RBM34: variants seen among roughly 807,000 people sequenced by gnomAD.
RBM34 encodes RNA-binding protein 34.
RBM34 carries 39 observed loss-of-function variants against 44.6 expected under a neutral mutation model. That is an observed-to-expected ratio of 0.87 (90% CI 0.68 to 1.14). RBM34 has a LOEUF of 1.14. Among genes scored for constraint, RBM34 ranks in the 50% most tolerant of loss-of-function variants. The pLI is 0.00. For missense variants in RBM34, 572 were observed against 517.9 expected, an observed-to-expected ratio of 1.10 and a Z score of -1.01; for synonymous variants, 194 against 184.0, an observed-to-expected ratio of 1.05 and a Z score of -0.44.
intron 5 of RBM34, 77 bp downstream of exon 5, chr1:235,152,629 C>G: frequency 6.4e-7 from 1 of 1,564,006 alleles, no homozygotes; most frequent in Non-Finnish European, 8.6e-7. Flanking sequence ...CACCATCTCA[C>G]TAACAGCAAT....
rs774851152 is a variant in RBM34 at position 235,160,626 on chromosome 1, G to A, written c.250C>T (p.Arg84Trp). 3 of 1,610,816 alleles carry A rather than the reference G, an allele frequency of 1.9e-6. No homozygotes were observed. The highest frequency in any genetic ancestry group is 2.5e-6 in the Non-Finnish European group (3 of 1,179,226). Residue 84 changes from arginine (R) to tryptophan (W), a missense_variant, in exon 3 of 11, where the codon CGG becomes TGG. By Grantham distance (101) the Arg-to-Trp change is moderately radical. Transcript: ENST00000408888. ...VPKQTIKKTK[R>W]NEEEESTSQI... ...GATGTACTTTCTTCCTCCTCATTCC[G>A]TTTCGTTTTTTTGATGGTTTGCTTT...
intron 4 of RBM34, 82 bp from the exon 5 acceptor site, chr1:235,152,847 T>A (rs113591665): frequency 1.6e-6 from 2 of 1,230,008 alleles, no homozygotes; most frequent in African/African-American, 1.6e-5. Context: ...AGAAAAATTG[T>A]CTGATAATCC....
chr1:235,156,490 G>C, intron 3 of RBM34: 1 of 338,744 alleles, frequency 3.0e-6, no homozygotes, highest in Non-Finnish European at 5.9e-6. Context: ...AGTCTAAAAA[G>C]GTTAATATGG....
intron 6 of RBM34, among the ~76,000 whole-genome samples, chr1:235,140,101 T>C (rs1305528277): frequency 6.6e-6 from 1 of 152,218 alleles, no homozygotes; most frequent in Non-Finnish European, 1.5e-5. Flanking sequence ...CCTGGATTCT[T>C]CTTGAGAGGT....
chr1:235,143,521 A>T (rs1661774253), intron 6 of RBM34, among the ~76,000 whole-genome samples: 1 of 152,180 alleles, frequency 6.6e-6, no homozygotes, highest in Non-Finnish European at 1.5e-5. Context: ...GGATCACCTG[A>T]GGTCAGGAGT....
intron 4 of RBM34, 58 bp downstream of exon 4, chr1:235,154,823 C>A: frequency 1.5e-6 from 2 of 1,359,016 alleles, no homozygotes; most frequent in Non-Finnish European, 2.1e-6. Flanking sequence ...AATGCTTATT[C>A]AACACAGGAA....
intron 3 of RBM34, among the ~76,000 whole-genome samples, chr1:235,158,135 C>A (rs1160343751): frequency 6.6e-6 from 1 of 151,492 alleles, no homozygotes; most frequent in Non-Finnish European, 1.5e-5. Context: ...GGGATAAGGG[C>A]CAGGCGCGGT....
intron 5 of RBM34, among the ~76,000 whole-genome samples, chr1:235,151,946 T>C (rs756218421): frequency 6.6e-6 from 1 of 151,964 alleles, no homozygotes; most frequent in Non-Finnish European, 1.5e-5. Context: ...GGCATGAGAA[T>C]TGCTTGAACC....
intron 10 of RBM34, 61 bp from the exon 11 acceptor site, chr1:235,132,058 G>GA: frequency 6.9e-7 from 1 of 1,440,688 alleles, no homozygotes; most frequent in Non-Finnish European, 9.4e-7. Flanking sequence ...AGAAACTAGT[G>GA]AAAGTGTCAC....
intron 5 of RBM34, among the ~76,000 whole-genome samples, chr1:235,150,204 A>C (rs976032599): frequency 1.3e-4 from 20 of 152,160 alleles, no homozygotes; most frequent in Non-Finnish European, 2.4e-4. Context: ...CCTCCCGAGT[A>C]GCTGGGATTA....
chr1:235,144,930 C>T (rs1661840228), intron 6 of RBM34, among the ~76,000 whole-genome samples: 2 of 152,096 alleles, frequency 1.3e-5, no homozygotes, highest in African/African-American at 2.4e-5. Flanking sequence ...GTAATCCCAG[C>T]TACTCAGTAG....
In RBM34 at chr1:235,131,590, T is replaced by C; in HGVS notation, c.*123A>G. ...CTGAGAATGTGGAAGTCTCCACATTTCACATACACCATCCATAAAGAAGTA... is the reference window on the plus strand; with the variant it reads ...CTGAGAATGTGGAAGTCTCCACATTCCACATACACCATCCATAAAGAAGTA... On this transcript the variant is annotated 3_prime_UTR_variant, in exon 11 of 11. Transcript: ENST00000408888. 1 of 1,094,524 alleles carries C rather than the reference T, an allele frequency of 9.1e-7. No homozygotes were observed. Among genetic ancestry groups the C allele is most frequent in the Non-Finnish European group, 1.3e-6 (1 of 768,180 alleles). 67.8% of individuals were successfully genotyped at this position (1,094,524 alleles called of 1,614,324 possible). A position where few individuals can be genotyped will look rare whatever the true frequency, so the allele number is the denominator to read the frequency against.
chr1:235,138,212 G>C (rs535437507), intron 6 of RBM34, 38 bp from the exon 7 acceptor site: 3 of 1,511,944 alleles, frequency 2.0e-6, no homozygotes, highest in Non-Finnish European at 2.7e-6. Context: ...AGAAAAGAGA[G>C]ACAAGGTAAA....
chr1:235,153,015 G>A (rs914729356), intron 4 of RBM34, among the ~76,000 whole-genome samples: 8 of 151,514 alleles, frequency 5.3e-5, no homozygotes, highest in African/African-American at 1.5e-4. Context: ...GATTACAGGC[G>A]CCCGCCACCA....
At chr1:235,154,257 AAGAG>A (rs199539335) in intron 4 of RBM34, among the ~76,000 whole-genome samples, 1 of 148,298 alleles carries the variant, frequency 6.7e-6, no homozygotes, top group Non-Finnish European at 1.5e-5. Flanking sequence ...AAAAAAAAAA[AAGAG>A]AGAGAGAGAC....
intron 6 of RBM34, among the ~76,000 whole-genome samples, chr1:235,145,679 C>T (rs1473055791): frequency 6.6e-6 from 1 of 152,174 alleles, no homozygotes; most frequent in Non-Finnish European, 1.5e-5. Context: ...ATTGTGAATG[C>T]AAATACCCTT....
intron 5 of RBM34, among the ~76,000 whole-genome samples, chr1:235,150,199 C>G (rs907925441): frequency 6.6e-6 from 1 of 152,176 alleles, no homozygotes; most frequent in Non-Finnish European, 1.5e-5. Flanking sequence ...CTCAGCCTCC[C>G]GAGTAGCTGG....
chr1:235,143,509 G>A (rs1661773549), intron 6 of RBM34, among the ~76,000 whole-genome samples: 1 of 152,200 alleles, frequency 6.6e-6, no homozygotes, highest in African/African-American at 2.4e-5. Context: ...TCTGAGGCGG[G>A]CGGATCACCT....
chr1:235,139,918 G>A (rs949004576), intron 6 of RBM34, among the ~76,000 whole-genome samples: 1 of 152,232 alleles, frequency 6.6e-6, no homozygotes, highest in Non-Finnish European at 1.5e-5. Flanking sequence ...AGAGCTCAGC[G>A]TGGGCTGGGC....
Sources: allele counts gnomAD v4.1 joint callset (sites outside exome capture counted in the v4.1 genomes callset), GRCh38; gene constraint gnomAD v4.1.1; transcripts MANE v1.5; gene names NCBI Gene and HGNC (gene_info 2026-07-23, HGNC 2026-07-21).